The following ZNF33A variants were observed in gnomAD, a reference collection of about 807,000 sequenced individuals.
ZNF33A encodes the protein brain my041 protein.
In ZNF33A, 9 loss-of-function variants were observed where a neutral mutation model predicts 15.9. That is an observed-to-expected ratio of 0.57 (90% CI 0.34 to 0.99). The LOEUF (loss-of-function observed/expected upper bound fraction) is 0.99. ZNF33A is among the 50% of genes least tolerant of loss of function. The pLI is 0.02. For synonymous variants in ZNF33A, 294 were observed against 324.2 expected (o/e 0.91, Z 1.00); for missense variants, 843 against 941.6 (o/e 0.90, Z 1.37).
intron 4 of ZNF33A, among the ~76,000 whole-genome samples, chr10:38,024,163 C>CA (rs71007682): frequency 0.034 from 3,169 of 93,210 alleles, 86 homozygotes; most frequent in African/African-American, 0.083. Flanking sequence ...AAAAACAAAA[C>CA]AAAAAAAAAA....
In ZNF33A at chr10:38,056,666, A is replaced by G; in HGVS notation, c.*106A>G. On this transcript the variant is annotated 3_prime_UTR_variant, in exon 5 of 5. Transcript: ENST00000432900. ...TTTGTTAGGAAGTGATATTCTATGTAATATCAGATGGTTAATACGGGCATA... is the reference window on the plus strand; with the variant it reads ...TTTGTTAGGAAGTGATATTCTATGTGATATCAGATGGTTAATACGGGCATA... 7.0e-7 allele frequency: 1 copy of G among 1,428,436 alleles called. No individual in the cohort carries two copies. The highest frequency in any genetic ancestry group is 9.1e-7 in the Non-Finnish European group (1 of 1,096,524). 88.5% of individuals were successfully genotyped at this position (1,428,436 alleles called of 1,614,324 possible).
Position 38,058,567 on chromosome 10 carries a change from C to G in ZNF33A, c.*2007C>G, listed in dbSNP as rs1271795293. ...CGGGTGGATCACAAGGTCAGGAGTTCGAGACCAGCCTGGTCAACATGGTGA... is the reference window on the plus strand; with the variant it reads ...CGGGTGGATCACAAGGTCAGGAGTTGGAGACCAGCCTGGTCAACATGGTGA... On this transcript the variant is annotated 3_prime_UTR_variant, in exon 5 of 5. Coordinates refer to ENST00000432900, the MANE Select transcript of ZNF33A (RefSeq NM_006954.2). 1 of 152,088 alleles carries G rather than the reference C, an allele frequency of 6.6e-6. No individual in the cohort carries two copies. The allele number at this position is 152,088 out of a possible 1,614,324, so 9.4% of individuals were successfully genotyped here.
At chr10:38,063,491 G>A (rs1252692835), downstream of ZNF33A, among the ~76,000 whole-genome samples, 1 of 151,754 alleles carries the variant, frequency 6.6e-6, no homozygotes, top group Non-Finnish European at 1.5e-5. Context: ...AATAGTATCA[G>A]AAGATGAACA....
chr10:38,015,647 A>G (rs2064418583), intron 2 of ZNF33A, among the ~76,000 whole-genome samples: 1 of 152,084 alleles, frequency 6.6e-6, no homozygotes, highest in African/African-American at 2.4e-5. Flanking sequence ...TATAATTAGG[A>G]TGTTTCTTAC....
At chr10:38,037,267 G>A (rs1354690584) in intron 4 of ZNF33A, among the ~76,000 whole-genome samples, 1 of 151,706 alleles carries the variant, frequency 6.6e-6, no homozygotes, top group African/African-American at 2.4e-5. Context: ...GAATAATTTT[G>A]ATTGTTTTGC....
rs1253267336 is a variant in ZNF33A, at chr10:38,016,853, T to C, written c.10-18T>C. On this transcript the variant is annotated intron_variant, in intron 2 of 4. Transcript: ENST00000432900. ...CCCATACTTCTTTTTTCATGCCACC[T>C]AATTCTGAATGTTTCAGGTAGAACA... 3.1e-6 allele frequency: 5 copies of C among 1,612,544 alleles called. No homozygotes were observed. In the African/African-American group the frequency reaches 6.7e-5, roughly 22 times the overall value.
Position 38,057,543 on chromosome 10 carries a change from C to G in ZNF33A, c.*983C>G. The stretch of plus-strand genomic sequence containing the variant: ...AGTGGTTACATTATCAGGCCCATCC[C>G]AGATGTTTGTGATGTCCTGAAACAA... On this transcript the variant is annotated 3_prime_UTR_variant, in exon 5 of 5. Transcript: ENST00000432900. 1.0e-6 allele frequency: 1 copy of G among 985,192 alleles called. No homozygotes were observed. The highest frequency in any genetic ancestry group is 1.2e-6 in the Non-Finnish European group (1 of 829,738). The allele number at this position is 985,192 out of a possible 1,614,324, so 61.0% of individuals were successfully genotyped here. A position where few individuals can be genotyped will look rare whatever the true frequency, so the allele number is the denominator to read the frequency against.
chr10:38,051,168 A>G (rs1382205798), intron 4 of ZNF33A, among the ~76,000 whole-genome samples: 2 of 152,204 alleles, frequency 1.3e-5, no homozygotes, highest in African/African-American at 4.8e-5. Flanking sequence ...CTTGTACAAG[A>G]TGTAGGAAAT....
At chr10:38,024,177 A>AAAAG (rs1554902735) in intron 4 of ZNF33A, among the ~76,000 whole-genome samples, 1 of 150,412 alleles carries the variant, frequency 6.6e-6, no homozygotes, top group Non-Finnish European at 1.5e-5. Context: ...AAAAAAAAAA[A>AAAAG]AAAAGAAAAA....
intron 2 of ZNF33A, among the ~76,000 whole-genome samples, chr10:38,015,520 A>G (rs1233953567): frequency 6.6e-6 from 1 of 151,948 alleles, no homozygotes; most frequent in Non-Finnish European, 1.5e-5. Context: ...GGGTTTCACC[A>G]TTTTTGTCAG....
At chr10:38,019,035 G>T (rs1185044527) in intron 4 of ZNF33A, among the ~76,000 whole-genome samples, 1 of 151,388 alleles carries the variant, frequency 6.6e-6, no homozygotes, top group Non-Finnish European at 1.5e-5. Flanking sequence ...TGTACAAGGT[G>T]CAGGTTTGTT....
At chr10:38,024,232 G>A (rs1313508682) in intron 4 of ZNF33A, among the ~76,000 whole-genome samples, 1 of 149,542 alleles carries the variant, frequency 6.7e-6, no homozygotes, top group Non-Finnish European at 1.5e-5. Flanking sequence ...AAAAGTTTCA[G>A]GATCCAAGAT....
downstream of ZNF33A, among the ~76,000 whole-genome samples, chr10:38,066,324 G>T (rs990930965): frequency 5.3e-5 from 8 of 151,792 alleles, no homozygotes; most frequent in South Asian, 2.1e-4. Context: ...TGTCACCCAG[G>T]CTGGAGTGCA....
rs1367991768 is a variant in ZNF33A, at chr10:38,056,100, A to G, written c.1976A>G (p.His659Arg). Reference protein sequence around the residue: ...KSALIVHQRTHTQEKPYKCNE... With the variant: ...KSALIVHQRTRTQEKPYKCNE... ...GCTCTAATTGTACATCAGAGAACCCATACACAAGAAAAGCCCTATAAATGT... is the reference window on the plus strand; with the variant it reads ...GCTCTAATTGTACATCAGAGAACCCGTACACAAGAAAAGCCCTATAAATGT... The change falls in exon 5 of 5, where the codon CAT (histidine) becomes CGT (arginine). Residue 659 changes from histidine (H) to arginine (R), a missense_variant. Coordinates refer to ENST00000432900, the MANE Select transcript of ZNF33A (RefSeq NM_006954.2). 4 of 1,614,130 alleles carry G rather than the reference A, an allele frequency of 2.5e-6. No individual in the cohort carries two copies. The Admixed American group carries it at 6.7e-5, about 27-fold the overall frequency.
downstream of ZNF33A, among the ~76,000 whole-genome samples, chr10:38,065,803 C>T (rs1175050466): frequency 3.3e-5 from 5 of 151,836 alleles, no homozygotes; most frequent in African/African-American, 7.3e-5. Context: ...CTCCGCCAAC[C>T]GGGTTCAAGC....
rs191823805 is a variant in ZNF33A at position 38,023,990 on chromosome 10, C to G, written c.250+6604C>G. On this transcript the variant is annotated intron_variant, in intron 4 of 4. Coordinates refer to ENST00000432900, the MANE Select transcript of ZNF33A (RefSeq NM_006954.2). ...CCTGACCAATATGGAGAAACCCCAT[C>G]TCTACTAAAAATACAAAATTAGCCG... Among the ~76,000 whole-genome samples the G allele has an allele frequency of 4.8e-3, 727 of 151,956 alleles. 1 individual carries two copies. The highest frequency in any genetic ancestry group is 7.9e-3 in the Non-Finnish European group (540 of 67,962).
intron 4 of ZNF33A, among the ~76,000 whole-genome samples, chr10:38,041,279 T>C (rs554233457): frequency 6.6e-6 from 1 of 150,980 alleles, no homozygotes; most frequent in South Asian, 2.1e-4. Flanking sequence ...CCCCTCCAAG[T>C]GTCCAGTGTC....
Position 38,054,619 on chromosome 10 carries a change from A to G in ZNF33A, c.495A>G (p.Lys165=), listed in dbSNP as rs766288007. The change falls in exon 5 of 5, where the codon AAA becomes AAG. Residue 165 remains lysine (K), a synonymous_variant. Coordinates refer to ENST00000432900, the MANE Select transcript of ZNF33A (RefSeq NM_006954.2). ...TCAGTAAGATAAACTATTTAGGAAA[A>G]AAGTCTGATGAATTTAATGCCTGTG... ...LVISKINYLG[K]KSDEFNACGK... The G allele has an allele frequency of 1.9e-6, 3 of 1,612,548 alleles. No homozygotes were observed. Among genetic ancestry groups the G allele is most frequent in the African/African-American group, 2.7e-5 (2 of 74,900 alleles).
chr10:38,065,782 C>T (rs2066705365), downstream of ZNF33A, among the ~76,000 whole-genome samples: 1 of 151,300 alleles, frequency 6.6e-6, no homozygotes, highest in South Asian at 2.1e-4. Context: ...CCTATCTGGG[C>T]TCACTACAAC....
Sources: allele counts gnomAD v4.1 joint callset (sites outside exome capture counted in the v4.1 genomes callset), GRCh38; gene constraint gnomAD v4.1.1; transcripts MANE v1.5; gene names NCBI Gene and HGNC (gene_info 2026-07-23, HGNC 2026-07-21).